ABL1: variants seen among roughly 807,000 people sequenced by gnomAD.
The protein encoded by ABL1 is tyrosine-protein kinase ABL1.
In ABL1, 11 loss-of-function variants were observed where a neutral mutation model predicts 94.7. That is an observed-to-expected ratio of 0.12 (90% CI 0.07 to 0.19). The LOEUF is 0.19. Among genes scored for constraint, ABL1 ranks in the 10% least tolerant of loss-of-function variants. The pLI is 1.00. For missense variants in ABL1, 1,082 were observed against 1,489.4 expected, an observed-to-expected ratio of 0.73 and a Z score of 4.50; for synonymous variants, 656 against 622.4, an observed-to-expected ratio of 1.05 and a Z score of -0.80.
upstream of ABL1, among the ~76,000 whole-genome samples, chr9:130,832,196 T>C (rs1387201597): frequency 6.6e-6 from 1 of 150,588 alleles, no homozygotes; most frequent in East Asian, 2.0e-4. Context: ...CGATCACTGC[T>C]CACTGCATCC....
intron 1 of ABL1, among the ~76,000 whole-genome samples, chr9:130,748,579 CTT>C (rs1438941218): frequency 2.7e-5 from 4 of 148,580 alleles, no homozygotes; most frequent in Admixed American, 6.7e-5. Context: ...TGCCTAGCTA[CTT>C]TTTTTTTTTT....
At position 130,874,991 on chromosome 9, in the gene ABL1, C is replaced by T; in HGVS notation, c.1209C>T (p.Ile403=). ...YTAHAGAKFP[I]KWTAPESLAY... ...CCCATGCTGGAGCCAAGTTCCCCAT[C>T]AAATGGACTGCACCCGAGAGCCTGG... Residue 403 remains isoleucine (I), a synonymous_variant, in exon 7 of 11, where the codon ATC becomes ATT. Transcript: ENST00000318560. 1 of 1,614,206 alleles carries T rather than the reference C, an allele frequency of 6.2e-7. No individual in the cohort carries two copies.
At chr9:130,815,655 T>C (rs1184101547) in intron 1 of ABL1, among the ~76,000 whole-genome samples, 1 of 152,134 alleles carries the variant, frequency 6.6e-6, no homozygotes, top group Non-Finnish European at 1.5e-5. Flanking sequence ...CAGCCAGAGC[T>C]AATCATTTTA....
rs1204128531 is a variant in ABL1, at chr9:130,884,409, G to A, written c.2119G>A (p.Gly707Ser). 3 of 1,611,962 alleles carry A rather than the reference G, an allele frequency of 1.9e-6. No individual in the cohort carries two copies. The highest frequency in any genetic ancestry group is 2.5e-6 in the Non-Finnish European group (3 of 1,179,854). Reference sequence around the variant, plus strand: ...AGCCACCGGCGAGGAGGAGGGCGGTGGCAGCTCCAGCAAGCGCTTCCTGCG... The same window carrying A: ...AGCCACCGGCGAGGAGGAGGGCGGTAGCAGCTCCAGCAAGCGCTTCCTGCG... ...RLATGEEEGG[G>S]SSSKRFLRSC... The change falls in exon 11 of 11, where the codon GGC becomes AGC. Residue 707 changes from glycine to serine, a missense_variant. Physicochemically the swap from Gly to Ser is moderately conservative, Grantham distance 56 (BLOSUM62 0). Around this residue, in one of 7 missense-constraint regions of ABL1, gnomAD observed 780 missense variants for 835.8 expected, o/e 0.93. Coordinates refer to ENST00000318560, the MANE Select transcript of ABL1 (RefSeq NM_005157.6). The surrounding 1 kb of genome is among the most constrained non-coding windows in gnomAD (Gnocchi z 5.6).
At chr9:130,713,126 G>T (rs1831391413) in exon 1 of ABL1, among the ~76,000 whole-genome samples, 1 of 152,228 alleles carries the variant, frequency 6.6e-6, no homozygotes, top group Admixed American at 6.5e-5. Flanking sequence ...CTGCGGCTGA[G>T]GAGCCCCTCC....
intron 1 of ABL1, among the ~76,000 whole-genome samples, chr9:130,733,943 G>A (rs981229126): frequency 2.6e-5 from 4 of 152,020 alleles, no homozygotes; most frequent in East Asian, 1.9e-4. Context: ...GGCAGGATAC[G>A]CATTATTCCT....
intron 1 of ABL1, among the ~76,000 whole-genome samples, chr9:130,852,625 C>T (rs960787740): frequency 4.6e-5 from 7 of 151,670 alleles, no homozygotes; most frequent in South Asian, 4.2e-4. Context: ...TGCAAGAACT[C>T]GTCTACACGT....
chr9:130,840,707 A>T (rs1458398433), intron 1 of ABL1, among the ~76,000 whole-genome samples: 2 of 152,098 alleles, frequency 1.3e-5, no homozygotes, highest in East Asian at 3.9e-4. Context: ...AAAAATAGAG[A>T]TGGGTCTCAC....
chr9:130,848,056 G>C (rs1190744111), intron 1 of ABL1, among the ~76,000 whole-genome samples: 1 of 152,148 alleles, frequency 6.6e-6, no homozygotes, highest in Admixed American at 6.5e-5. Context: ...CATGACTTTG[G>C]TTTAATTTCC....
chr9:130,878,394 T>C (rs1157140359), intron 7 of ABL1, 21 bp from the exon 8 acceptor site: 1 of 1,613,176 alleles, frequency 6.2e-7, no homozygotes, highest in African/African-American at 1.3e-5. Context: ...GAACAGCCTT[T>C]CTCTTTCGGT....
chr9:130,831,611 CTTTTT>C (rs1489684312), upstream of ABL1, among the ~76,000 whole-genome samples: 1 of 152,006 alleles, frequency 6.6e-6, no homozygotes, highest in African/African-American at 2.4e-5. Flanking sequence ...GATTTCTTTT[CTTTTT>C]TTCTTTTTTT....
At chr9:130,752,463 C>T (rs1311132320) in intron 1 of ABL1, among the ~76,000 whole-genome samples, 4 of 152,134 alleles carry the variant, frequency 2.6e-5, no homozygotes, top group African/African-American at 7.2e-5. Flanking sequence ...CTTTCTTGCC[C>T]TACTGCAGGG....
At chr9:130,833,711 A>C (rs2132904571), upstream of ABL1, among the ~76,000 whole-genome samples, 1 of 152,336 alleles carries the variant, frequency 6.6e-6, no homozygotes, top group Admixed American at 6.5e-5. Flanking sequence ...TGGAAAGTTA[A>C]TGACATCCTG....
intron 10 of ABL1, among the ~76,000 whole-genome samples, chr9:130,882,924 C>T (rs1183914433): frequency 6.6e-6 from 1 of 152,148 alleles, no homozygotes; most frequent in Non-Finnish European, 1.5e-5. Flanking sequence ...CACCTGTAAT[C>T]CCAGCACTTT....
At chr9:130,876,585 A>T (rs1831347912) in intron 7 of ABL1, among the ~76,000 whole-genome samples, 1 of 150,420 alleles carries the variant, frequency 6.6e-6, no homozygotes, top group African/African-American at 2.5e-5. Flanking sequence ...GCCTGGCTAA[A>T]TTTTTTTGTA....
At position 130,862,644 on chromosome 9, in the gene ABL1, A is replaced by G. The variant is rs902254726; in HGVS notation, c.550-119A>G. 9.1e-7 allele frequency: 1 copy of G among 1,100,530 alleles called. No homozygotes were observed. The highest frequency in any genetic ancestry group is 2.5e-5 in the Admixed American group (1 of 40,416). 68.2% of individuals were successfully genotyped at this position (1,100,530 alleles called of 1,614,324 possible). A position where few individuals can be genotyped will look rare whatever the true frequency, so the allele number is the denominator to read the frequency against. On this transcript the variant is annotated intron_variant, in intron 3 of 10. Transcript: ENST00000318560. This position sits in a 1 kb window ranked among gnomAD's most constrained non-coding sequence, Gnocchi z 5.5. ...CTTCTAAACACTCTGTCCTGTGTGG[A>G]GAGCTCCTTATGTGAGATTTTGCTG...
chr9:130,838,671 A>T (rs757295605), intron 1 of ABL1, among the ~76,000 whole-genome samples: 1 of 152,202 alleles, frequency 6.6e-6, no homozygotes, highest in Admixed American at 6.5e-5. Flanking sequence ...GCTTTGCAAT[A>T]TTCGGTCTAC....
chr9:130,720,451 C>G (rs1164406500), intron 1 of ABL1, among the ~76,000 whole-genome samples: 1 of 152,108 alleles, frequency 6.6e-6, no homozygotes, highest in African/African-American at 2.4e-5. Context: ...AAACCTGAGG[C>G]AGAGCTTGCT....
intron 1 of ABL1, among the ~76,000 whole-genome samples, chr9:130,844,294 G>A (rs1830723903): frequency 6.6e-6 from 1 of 152,176 alleles, no homozygotes; most frequent in Non-Finnish European, 1.5e-5. Context: ...AGTGATGAGA[G>A]ATTGAGGAGG....
Sources: gnomAD v4.1 joint callset for allele counts (sites outside exome capture counted in the v4.1 genomes callset) on GRCh38, gnomAD v4.1.1 for gene constraint, gnomAD v4.1.1 regional missense constraint, Gnocchi (gnomAD v3.1) non-coding constraint, MANE v1.5 for transcripts, NCBI Gene and HGNC (gene_info 2026-07-23, HGNC 2026-07-21) for gene names.